The following DTD1 variants were observed in gnomAD, a reference collection of about 807,000 sequenced individuals.
The protein encoded by DTD1 is D-aminoacyl-tRNA deacylase 1, also known as D-tyrosyl-tRNA deacylase 1 homolog.
In DTD1, 13 loss-of-function variants were observed where a neutral mutation model predicts 25.6. The ratio of observed to expected loss-of-function variants is 0.51; its 90% CI spans 0.33 to 0.81. The LOEUF (loss-of-function observed/expected upper bound fraction) is 0.81. Ranked by LOEUF, DTD1 falls within the 30% of genes least tolerant of loss-of-function variation. The probability of loss-of-function intolerance (pLI) is 0.02; values close to 1 mark genes in which losing one functional copy is unlikely to be tolerated. For synonymous variants in DTD1, 110 were observed against 103.6 expected (o/e 1.06, Z -0.37); for missense variants, 193 against 266.4 (o/e 0.72, Z 1.92).
At chr20:18,670,208 C>T (rs553356006) in intron 4 of DTD1, among the ~76,000 whole-genome samples, 5 of 152,126 alleles carry the variant, frequency 3.3e-5, no homozygotes, top group East Asian at 1.9e-4. Flanking sequence ...TATAATCCCA[C>T]GCTTTGGGAG....
At chr20:18,589,846 C>T (rs556528357) in intron 1 of DTD1, among the ~76,000 whole-genome samples, 3 of 152,242 alleles carry the variant, frequency 2.0e-5, no homozygotes, top group Admixed American at 2.0e-4. Context: ...ACAACCAAAC[C>T]TGCATATTAA....
rs146949227 is a variant in DTD1, at chr20:18,753,895, A to G, written c.*20-9465A>G. ...GATTCTGGGGATCTTTTGACACTTC[A>G]GTGGAGGGAGCTTGCTGGAATCTAA... On this transcript the variant is annotated intron_variant, in intron 5 of 5. Coordinates refer to ENST00000377452, the MANE Select transcript of DTD1 (RefSeq NM_080820.6). Among the ~76,000 whole-genome samples the G allele has an allele frequency of 2.9e-3, 447 of 152,256 alleles. 2 individuals carry two copies. Among genetic ancestry groups the G allele is most frequent in the South Asian group, 0.025 (121 of 4,820 alleles).
At chr20:18,701,938 T>G (rs1722035606) in intron 4 of DTD1, among the ~76,000 whole-genome samples, 1 of 152,012 alleles carries the variant, frequency 6.6e-6, no homozygotes, top group Admixed American at 6.6e-5. Flanking sequence ...TAATTTAGAG[T>G]TTTTCATTTT....
At chr20:18,750,363 A>G (rs1282503299) in intron 5 of DTD1, among the ~76,000 whole-genome samples, 1 of 152,230 alleles carries the variant, frequency 6.6e-6, no homozygotes, top group Non-Finnish European at 1.5e-5. Context: ...CCCCAGAACA[A>G]CAGCAGCCCC....
intron 4 of DTD1, among the ~76,000 whole-genome samples, chr20:18,710,005 T>C (rs2061152095): frequency 6.6e-6 from 1 of 152,194 alleles, no homozygotes; most frequent in Admixed American, 6.6e-5. Flanking sequence ...TTTGAGGATT[T>C]GCTGACTTCT....
intron 4 of DTD1, chr20:18,631,106 G>A: frequency 1.0e-6 from 1 of 985,390 alleles, no homozygotes; most frequent in Non-Finnish European, 1.2e-6. Flanking sequence ...TCTCAGCTTT[G>A]CAGGGAAAGA....
chr20:18,712,522 T>C (rs1339776403), intron 4 of DTD1, among the ~76,000 whole-genome samples: 1 of 152,116 alleles, frequency 6.6e-6, no homozygotes, highest in Non-Finnish European at 1.5e-5. Context: ...TCATTTACAA[T>C]GGAATCATTG....
At chr20:18,597,332 T>C (rs2060616174) in intron 3 of DTD1, among the ~76,000 whole-genome samples, 1 of 152,178 alleles carries the variant, frequency 6.6e-6, no homozygotes, top group South Asian at 2.1e-4. Flanking sequence ...ACATCCCCTT[T>C]TCCTTTCTAG....
intron 1 of DTD1, among the ~76,000 whole-genome samples, chr20:18,590,212 C>G (rs2060583582): frequency 6.6e-6 from 1 of 152,186 alleles, no homozygotes; most frequent in Non-Finnish European, 1.5e-5. Flanking sequence ...GGGTCTTGCT[C>G]TGTCACCCAG....
At chr20:18,735,635 C>T (rs768219488) in intron 4 of DTD1, among the ~76,000 whole-genome samples, 1 of 152,174 alleles carries the variant, frequency 6.6e-6, no homozygotes, top group Non-Finnish European at 1.5e-5. Context: ...TTTTAAAGAG[C>T]TTAAGATTTC....
intron 3 of DTD1, among the ~76,000 whole-genome samples, chr20:18,618,981 G>A (rs966744221): frequency 6.6e-6 from 1 of 152,020 alleles, no homozygotes; most frequent in African/African-American, 2.4e-5. Context: ...CCAAAGTGCT[G>A]GGATCACAGG....
chr20:18,593,223 A>G (rs1323014639), intron 1 of DTD1, among the ~76,000 whole-genome samples: 1 of 152,168 alleles, frequency 6.6e-6, no homozygotes, highest in Admixed American at 6.5e-5. Flanking sequence ...TGTGATTTTT[A>G]TGTATTATGT....
chr20:18,691,655 T>G (rs1179732620), intron 4 of DTD1, among the ~76,000 whole-genome samples: 1 of 152,160 alleles, frequency 6.6e-6, no homozygotes, highest in East Asian at 1.9e-4. Context: ...AACTACCTAT[T>G]GGGTACTATG....
chr20:18,667,634 C>T (rs2060936768), intron 4 of DTD1, among the ~76,000 whole-genome samples: 3 of 151,954 alleles, frequency 2.0e-5, no homozygotes, highest in Admixed American at 2.0e-4. Flanking sequence ...CTTCCTTGCC[C>T]TGCCACACGT....
intron 4 of DTD1, among the ~76,000 whole-genome samples, chr20:18,708,277 A>T (rs11476202): frequency 0.027 from 415 of 15,546 alleles, 13 homozygotes; most frequent in Non-Finnish European, 0.045. Context: ...ATATATATAT[A>T]ATATATATTA....
chr20:18,588,185 G>A, intron 1 of DTD1, 70 bp downstream of exon 1: 1 of 1,195,702 alleles, frequency 8.4e-7, no homozygotes, highest in East Asian at 3.3e-5. Context: ...TTGCGTGGGG[G>A]GTCTTCCTGC....
intron 4 of DTD1, among the ~76,000 whole-genome samples, chr20:18,709,665 G>A (rs140273565): frequency 2.0e-4 from 30 of 152,274 alleles, no homozygotes; most frequent in African/African-American, 7.0e-4. Context: ...TTATCAGAGT[G>A]CCAGGTAGTT....
At chr20:18,668,367 A>G (rs1204247775) in intron 4 of DTD1, among the ~76,000 whole-genome samples, 1 of 152,200 alleles carries the variant, frequency 6.6e-6, no homozygotes, top group Non-Finnish European at 1.5e-5. Flanking sequence ...ACACATGATA[A>G]ACAGGTCAGT....
At position 18,692,890 on chromosome 20, in the gene DTD1, A is replaced by ATTTTTTTTT. The variant is rs34962546; in HGVS notation, c.478-51197_478-51189dup. 3.6e-5 allele frequency among the ~76,000 whole-genome samples: 4 copies of ATTTTTTTTT among 112,468 alleles called. 1 individual carries two copies. Among genetic ancestry groups the ATTTTTTTTT allele is most frequent in the Admixed American group, 1.1e-4 (1 of 8,882 alleles). The allele number at this position is 112,468 out of a possible 152,430, so 73.8% of individuals were successfully genotyped here. On this transcript the variant is annotated intron_variant, in intron 4 of 5. Transcript: ENST00000377452. Reference sequence around the variant, plus strand: ...GACATTTTCTAGAAACAGGACATGGATTTTTTTTTTTTTTTTTTTTTGAGA... The same window carrying ATTTTTTTTT: ...GACATTTTCTAGAAACAGGACATGGATTTTTTTTTTTTTTTTTTTTTTTTTTTTTTGAGA...
Sources: allele counts gnomAD v4.1 joint callset (sites outside exome capture counted in the v4.1 genomes callset), GRCh38; gene constraint gnomAD v4.1.1; transcripts MANE v1.5; gene names NCBI Gene and HGNC (gene_info 2026-07-23, HGNC 2026-07-21).